PMS2: variants seen among roughly 807,000 people sequenced by gnomAD.
PMS2 encodes PMS1 homolog 2, mismatch repair system component, also known as mismatch repair endonuclease PMS2.
Under a neutral mutation model 90.0 loss-of-function variants are expected in PMS2, and 69 were observed. The observed-to-expected ratio is 0.77, with a 90% CI of 0.63 to 0.94. The LOEUF (loss-of-function observed/expected upper bound fraction) is 0.94. Ranked by LOEUF, PMS2 falls within the 40% of genes least tolerant of loss-of-function variation. The pLI is 0.00. For missense variants in PMS2, 966 were observed against 1,040.2 expected, an observed-to-expected ratio of 0.93 and a Z score of 0.98; for synonymous variants, 332 against 375.1, an observed-to-expected ratio of 0.89 and a Z score of 1.33.
chr7:5,981,865 T>C (rs185619050), intron 12 of PMS2, among the ~76,000 whole-genome samples: 1 of 151,840 alleles, frequency 6.6e-6, no homozygotes, highest in Non-Finnish European at 1.5e-5. Flanking sequence ...TTAAAGGAAC[T>C]AATACACATA....
intron 13 of PMS2, among the ~76,000 whole-genome samples, chr7:5,978,279 T>G (rs1781933635): frequency 6.7e-6 from 1 of 149,428 alleles, no homozygotes; most frequent in Admixed American, 6.6e-5. Flanking sequence ...CTGATTTTTT[T>G]TTTTTTTTGA....
chr7:5,998,991 A>T, intron 6 of PMS2, 117 bp downstream of exon 6: 1 of 149,980 alleles, frequency 6.7e-6, no homozygotes, highest in Non-Finnish European at 8.8e-6. Context: ...CTCCCTCTCA[A>T]AAAAAAAAAA....
chr7:5,984,523 T>C (rs1301459753), intron 11 of PMS2, among the ~76,000 whole-genome samples: 4 of 151,686 alleles, frequency 2.6e-5, no homozygotes, highest in African/African-American at 9.7e-5. Context: ...AAAGCAGCTG[T>C]AATGTAATCC....
At chr7:6,000,228 G>C (rs549077675) in intron 5 of PMS2, among the ~76,000 whole-genome samples, 1 of 151,900 alleles carries the variant, frequency 6.6e-6, no homozygotes, top group South Asian at 2.1e-4. Flanking sequence ...ACAAAAATTA[G>C]CCGGGCATGG....
rs1486626436 is a variant in PMS2 at position 5,997,541 on chromosome 7, C to A, written c.706-118G>T. 3 of 696,742 alleles carry A rather than the reference C, an allele frequency of 4.3e-6. No individual in the cohort carries two copies. The East Asian group carries it at 8.1e-5, about 19-fold the overall frequency. The allele number at this position is 696,742 out of a possible 1,614,324, so 43.2% of individuals were successfully genotyped here. ...CAAGCGCAAAAAAAATTAAAAGAAT[C>A]TTTTGTTTTGTTTTGTTTTTTGAGA... On this transcript the variant is annotated intron_variant, in intron 6 of 14. Transcript: ENST00000265849.
At chr7:5,989,391 T>A (rs1783461944) in intron 10 of PMS2, among the ~76,000 whole-genome samples, 1 of 151,976 alleles carries the variant, frequency 6.6e-6, no homozygotes, top group Non-Finnish European at 1.5e-5. Context: ...TGAGATCGCA[T>A]CATTGCACTC....
At chr7:5,978,243 C>T (rs1296652031) in intron 13 of PMS2, among the ~76,000 whole-genome samples, 2 of 149,872 alleles carry the variant, frequency 1.3e-5, no homozygotes, top group Admixed American at 6.6e-5. Context: ...TTATTCCCAG[C>T]TCTAAAAAGA....
chr7:6,006,002 A>G lies in PMS2; in HGVS notation c.53T>C (p.Ile18Thr), dbSNP rs201343342. 261 of 1,610,676 alleles carry G rather than the reference A, an allele frequency of 1.6e-4. 1 individual carries two copies. The highest frequency in any genetic ancestry group is 6.2e-5 in the Non-Finnish European group (73 of 1,179,806). The change falls in exon 2 of 15, where the codon ATT becomes ACT. Residue 18 changes from isoleucine to threonine, a missense_variant. This residue lies in a region of PMS2 where 871 missense variants were observed against 802.4 expected (regional missense o/e 1.09). Transcript: ENST00000265849. ...STEPAKAIKP[I>T]DRKSVHQICS... ...AATCTGATGGACTGACTTCCGATCAATAGGTTTGATGGCCTTAGCAGGTTC... is the reference window on the plus strand; with the variant it reads ...AATCTGATGGACTGACTTCCGATCAGTAGGTTTGATGGCCTTAGCAGGTTC...
intron 7 of PMS2, among the ~76,000 whole-genome samples, chr7:5,995,992 A>G (rs565611896): frequency 6.6e-6 from 1 of 152,198 alleles, no homozygotes; most frequent in East Asian, 1.9e-4. Context: ...CTGGTTTGTC[A>G]ATGAAGTCTA....
At chr7:6,005,742 C>G (rs1008105976) in intron 2 of PMS2, 150 bp downstream of exon 2, 20 of 1,132,068 alleles carry the variant, frequency 1.8e-5, no homozygotes, top group Non-Finnish European at 2.6e-5. Context: ...TAGCTAAGTA[C>G]TAGGCACATA....
At chr7:5,978,131 A>G (rs1583283425) in intron 13 of PMS2, among the ~76,000 whole-genome samples, 1 of 150,594 alleles carries the variant, frequency 6.6e-6, no homozygotes, top group African/African-American at 2.4e-5. Context: ...AGAAAAAAAA[A>G]AAGTGAACAC....
At chr7:5,999,440 G>A (rs888695725) in intron 5 of PMS2, among the ~76,000 whole-genome samples, 165 bp from the exon 6 acceptor site, 35 of 152,134 alleles carry the variant, frequency 2.3e-4, no homozygotes, top group African/African-American at 6.3e-4. Context: ...ATATTCTACA[G>A]AAAGGAACGC....
rs975873075 is a variant in PMS2 at position 5,979,305 on chromosome 7, T to A, written c.2175-609A>T. On this transcript the variant is annotated intron_variant, in intron 12 of 14. Transcript: ENST00000265849. ...ACTCGGGAGGCTGAGGCACTAGAAT[T>A]GCTTGAACCCAGGAGGTGGAGGTTG... is the stretch of plus-strand genomic sequence containing the variant. 2.8e-4 allele frequency among the ~76,000 whole-genome samples: 40 copies of A among 145,054 alleles called. 1 individual carries two copies. The highest frequency in any genetic ancestry group is 5.3e-4 in the Non-Finnish European group (35 of 66,174).
At chr7:5,992,812 A>G (rs1783916540) in intron 8 of PMS2, among the ~76,000 whole-genome samples, 1 of 152,236 alleles carries the variant, frequency 6.6e-6, no homozygotes, top group African/African-American at 2.4e-5. Flanking sequence ...TTCTCTAATC[A>G]TAGATTCCTA....
chr7:5,995,282 C>G (rs994923131), intron 8 of PMS2, among the ~76,000 whole-genome samples: 2 of 152,108 alleles, frequency 1.3e-5, no homozygotes, highest in Non-Finnish European at 2.9e-5. Context: ...GGCAATCCAC[C>G]CGCCTCGGCC....
chr7:5,996,922 C>G (rs1784469317), intron 7 of PMS2, among the ~76,000 whole-genome samples: 1 of 151,984 alleles, frequency 6.6e-6, no homozygotes, highest in Admixed American at 6.6e-5. Context: ...ACATAAAAAA[C>G]TATTATCCCT....
intron 10 of PMS2, among the ~76,000 whole-genome samples, chr7:5,988,496 A>AG (rs1375701894): frequency 5.3e-5 from 8 of 152,006 alleles, no homozygotes; most frequent in African/African-American, 1.2e-4. Context: ...CCTGGAAGGC[A>AG]GGGTTGCAGC....
In PMS2 at chr7:5,973,270, T is replaced by A; in HGVS notation, c.*129A>T. On this transcript the variant is annotated 3_prime_UTR_variant, in exon 15 of 15. Transcript: ENST00000265849. ...TTGAAAAGGTTCTCAAGATCACTTTTAAATGGGTGTGATGTGTATTTTTTT... is the reference window on the plus strand; with the variant it reads ...TTGAAAAGGTTCTCAAGATCACTTTAAAATGGGTGTGATGTGTATTTTTTT... The A allele has an allele frequency of 1.0e-6, 1 of 995,690 alleles. No homozygotes were observed. The highest frequency in any genetic ancestry group is 1.4e-5 in the South Asian group (1 of 71,378). 61.7% of individuals were successfully genotyped at this position (995,690 alleles called of 1,614,324 possible).
chr7:5,986,205 C>A (rs1366785024), intron 11 of PMS2, among the ~76,000 whole-genome samples: 1 of 145,850 alleles, frequency 6.9e-6, no homozygotes, highest in Non-Finnish European at 1.5e-5. Context: ...TCTGGCCAGG[C>A]GCAGATGCCG....
Sources: gnomAD v4.1 joint callset for allele counts (sites outside exome capture counted in the v4.1 genomes callset) on GRCh38, gnomAD v4.1.1 for gene constraint, gnomAD v4.1.1 regional missense constraint, MANE v1.5 for transcripts, NCBI Gene and HGNC (gene_info 2026-07-23, HGNC 2026-07-21) for gene names.